The following JPT1 variants were observed in gnomAD, a reference collection of about 807,000 sequenced individuals.
The protein encoded by JPT1 is androgen-regulated protein 2.
A neutral mutation model predicts 17.0 loss-of-function variants in JPT1; 5 were observed. That is an observed-to-expected ratio of 0.29 (90% CI 0.15 to 0.62). The LOEUF (loss-of-function observed/expected upper bound fraction) is 0.62, where lower values mean the gene tolerates loss of function less well. JPT1 is among the 20% of genes least tolerant of loss of function. The pLI is 0.85. For missense variants in JPT1, 158 were observed against 188.1 expected, an observed-to-expected ratio of 0.84 and a Z score of 0.94; for synonymous variants, 71 against 73.6, an observed-to-expected ratio of 0.96 and a Z score of 0.18.
In JPT1 at chr17:75,154,477, A is replaced by G; in HGVS notation, c.-80T>C. On this transcript the variant is annotated 5_prime_UTR_variant, in exon 1 of 5. Coordinates refer to ENST00000409753, the MANE Select transcript of JPT1 (RefSeq NM_016185.4). ...CCCGAGGGGCGCTGGGAAACTCCACACCCAACAGCCGACCACCGCTGCAGG... is the reference window on the plus strand; with the variant it reads ...CCCGAGGGGCGCTGGGAAACTCCACGCCCAACAGCCGACCACCGCTGCAGG... 1.5e-6 allele frequency: 2 copies of G among 1,340,416 alleles called. No individual in the cohort carries two copies. Among genetic ancestry groups the G allele is most frequent in the Non-Finnish European group, 2.0e-6 (2 of 980,294 alleles). The allele number at this position is 1,340,416 out of a possible 1,614,324, so 83.0% of individuals were successfully genotyped here. A position where few individuals can be genotyped will look rare whatever the true frequency, so the allele number is the denominator to read the frequency against.
intron 4 of JPT1, among the ~76,000 whole-genome samples, chr17:75,141,945 T>C (rs1218426182): frequency 6.6e-6 from 1 of 151,626 alleles, no homozygotes; most frequent in South Asian, 2.1e-4. Context: ...GGCGCACACC[T>C]GTAGTCCCAG....
chr17:75,136,398 C>CCA, intron 4 of JPT1, 148 bp from the exon 5 acceptor site: 1 of 653,110 alleles, frequency 1.5e-6, no homozygotes, highest in Non-Finnish European at 2.5e-6. Flanking sequence ...CACCATGCTC[C>CCA]CACTCCACAG....
rs577014512 is a variant in JPT1, at chr17:75,154,323, C to G, written c.56+19G>C. 11 of 1,539,338 alleles carry G rather than the reference C, an allele frequency of 7.1e-6. No individual in the cohort carries two copies. Among genetic ancestry groups the G allele is most frequent in the South Asian group, 6.0e-5 (5 of 83,498 alleles). On this transcript the variant is annotated intron_variant, in intron 1 of 4. Transcript: ENST00000409753. ...GCCCCTCAGCCCCGCGCGGCTCGGG[C>G]GCGACCCGGTCGCCTCACCGGGAGC...
intron 1 of JPT1, among the ~76,000 whole-genome samples, chr17:75,149,455 C>T (rs2074503200): frequency 6.6e-6 from 1 of 152,152 alleles, no homozygotes. Context: ...GCAAGCTCCA[C>T]CTCCCGGGTT....
chr17:75,145,466 G>A (rs1032356693), intron 4 of JPT1: 2 of 152,156 alleles, frequency 1.3e-5, no homozygotes, highest in East Asian at 3.8e-4. Flanking sequence ...TTAAGTCAAT[G>A]ATTACAGCTC....
At chr17:75,140,668 A>G (rs935668766) in intron 4 of JPT1, among the ~76,000 whole-genome samples, 4 of 152,210 alleles carry the variant, frequency 2.6e-5, no homozygotes, top group Non-Finnish European at 4.4e-5. Context: ...GATGTATCTT[A>G]TTACTGTACC....
chr17:75,140,353 G>A (rs1041340041), intron 4 of JPT1, among the ~76,000 whole-genome samples: 9 of 151,658 alleles, frequency 5.9e-5, no homozygotes, highest in Non-Finnish European at 1.3e-4. Context: ...TCTTTTCTTT[G>A]GCACATCAAT....
intron 4 of JPT1, among the ~76,000 whole-genome samples, chr17:75,139,554 C>T (rs2074269758): frequency 6.6e-6 from 1 of 152,080 alleles, no homozygotes. Flanking sequence ...GGTGCAGTGG[C>T]TCACACCTGT....
intron 4 of JPT1, chr17:75,142,781 G>C (rs1233214421): frequency 2.2e-6 from 1 of 456,276 alleles, no homozygotes; most frequent in Non-Finnish European, 4.4e-6. Flanking sequence ...AGTCTTTCCA[G>C]AACAGTACAA....
intron 4 of JPT1, chr17:75,138,284 A>T (rs2074246083): frequency 6.6e-6 from 1 of 152,114 alleles, no homozygotes; most frequent in African/African-American, 2.4e-5. Context: ...TTTAATAGCA[A>T]GTTTATTTCA....
intron 1 of JPT1, among the ~76,000 whole-genome samples, chr17:75,150,445 G>A (rs958141168): frequency 6.6e-6 from 1 of 152,154 alleles, no homozygotes; most frequent in Admixed American, 6.5e-5. Flanking sequence ...TAGAGACGGG[G>A]TTTCGCCATG....
chr17:75,136,553 G>A (rs1210929968), intron 4 of JPT1, among the ~76,000 whole-genome samples: 1 of 151,984 alleles, frequency 6.6e-6, no homozygotes, highest in Non-Finnish European at 1.5e-5. Context: ...GTGCAATGGT[G>A]CAGTCTTGGC....
At chr17:75,142,582 AGG>A (rs2074337508) in intron 4 of JPT1, among the ~76,000 whole-genome samples, 1 of 64,996 alleles carries the variant, frequency 1.5e-5, no homozygotes, top group South Asian at 9.2e-4. Context: ...GGGGAGAGGG[AGG>A]GAGAGGGAGG....
chr17:75,148,398 A>G, intron 2 of JPT1, 131 bp downstream of exon 2: 1 of 1,084,020 alleles, frequency 9.2e-7, no homozygotes. Flanking sequence ...GCACACTGCC[A>G]CTACCACCAG....
intron 4 of JPT1, among the ~76,000 whole-genome samples, chr17:75,144,097 A>G (rs2074378614): frequency 6.6e-6 from 1 of 152,176 alleles, no homozygotes; most frequent in African/African-American, 2.4e-5. Flanking sequence ...GGAAGGTGCA[A>G]CAACTCATCC....
At chr17:75,142,112 TATTA>T (rs1260245578) in intron 4 of JPT1, among the ~76,000 whole-genome samples, 1 of 152,176 alleles carries the variant, frequency 6.6e-6, no homozygotes, top group Non-Finnish European at 1.5e-5. Context: ...GGAACAGAAT[TATTA>T]ATTATGTGGT....
rs2074602086 is a variant in JPT1 at position 75,154,380 on chromosome 17, G to A, written c.18C>T (p.Thr6=). MTTTT[T]FKGVDPNSRN... is the part of the protein sequence containing the mutation. ...TGCTGTTGGGGTCGACTCCCTTGAA[G>A]GTGGTGGTTGTGGTCATGGCGCCGA... is the stretch of plus-strand genomic sequence containing the variant. Residue 6 remains threonine, a synonymous_variant, in exon 1 of 5, where the codon ACC becomes ACT. Transcript: ENST00000409753. 7 of 1,549,346 alleles carry A rather than the reference G, an allele frequency of 4.5e-6. No homozygotes were observed. Among genetic ancestry groups the A allele is most frequent in the South Asian group, 1.2e-5 (1 of 83,948 alleles).
intron 4 of JPT1, chr17:75,142,628 AGGGGAGGGAGGGGAGGGGGGGATGGAGG>A: frequency 4.5e-6 from 1 of 222,982 alleles, no homozygotes; most frequent in East Asian, 1.8e-4. Flanking sequence ...GAGGGGAGGG[AGGGGAGGGAGGGGAGGGGGGGATGGAGG>A]GAAGGGGGAG....
At chr17:75,145,971 G>A (rs1321884735) in intron 4 of JPT1, 2 of 152,030 alleles carry the variant, frequency 1.3e-5, no homozygotes, top group Admixed American at 1.3e-4. Context: ...CCAGTTACTA[G>A]GGAGGCTGAG....
Sources: gnomAD v4.1 joint callset for allele counts (sites outside exome capture counted in the v4.1 genomes callset) on GRCh38, gnomAD v4.1.1 for gene constraint, MANE v1.5 for transcripts, NCBI Gene and HGNC (gene_info 2026-07-23, HGNC 2026-07-21) for gene names.